EDEM1: variants seen among roughly 807,000 people sequenced by gnomAD.
The protein encoded by EDEM1 is ER degradation-enhancing alpha-mannosidase-like protein 1.
EDEM1 carries 67 observed loss-of-function variants against 74.4 expected under a neutral mutation model. That is an observed-to-expected ratio of 0.90 (90% confidence interval 0.74 to 1.10). EDEM1 has a LOEUF of 1.10. Among genes scored for constraint, EDEM1 ranks in the 50% least tolerant of loss-of-function variants. EDEM1 has a pLI of 0.00. For missense variants in EDEM1, 926 were observed against 851.6 expected, an observed-to-expected ratio of 1.09 and a Z score of -1.09; for synonymous variants, 382 against 335.9, an observed-to-expected ratio of 1.14 and a Z score of -1.50.
At chr3:5,201,435 C>T (rs2055033233) in intron 3 of EDEM1, among the ~76,000 whole-genome samples, 1 of 152,128 alleles carries the variant, frequency 6.6e-6, no homozygotes, top group South Asian at 2.1e-4. Flanking sequence ...CAGGCGTGAG[C>T]CACCGCACCC....
chr3:5,211,447 A>G (rs2055166533), intron 10 of EDEM1: 1 of 468,300 alleles, frequency 2.1e-6, no homozygotes, highest in Non-Finnish European at 4.0e-6. Context: ...TTATGATTAC[A>G]AACTGTGGGA....
chr3:5,207,262 C>T lies in EDEM1; in HGVS notation c.1327C>T (p.Pro443Ser), dbSNP rs1021605721. The change falls in exon 7 of 12, where the codon CCT becomes TCT. Residue 443 changes from proline to serine, a missense_variant. Physicochemically the swap from Pro to Ser is moderately conservative, Grantham distance 74. Coordinates refer to ENST00000256497, the MANE Select transcript of EDEM1 (RefSeq NM_014674.3). ...TWIDSLQAFF[P>S]GLQVLIGDVE... is the part of the protein sequence containing the mutation. ...GATTGACTCTCTGCAGGCCTTTTTC[C>T]CTGGACTGCAGGTATTTTGCCATCA... 1 of 1,613,938 alleles carries T rather than the reference C, an allele frequency of 6.2e-7. No homozygotes were observed. The highest frequency in any genetic ancestry group is 1.3e-5 in the African/African-American group (1 of 74,934).
intron 1 of EDEM1, among the ~76,000 whole-genome samples, chr3:5,188,627 C>T (rs2054859821): frequency 6.6e-6 from 1 of 152,242 alleles, no homozygotes; most frequent in Non-Finnish European, 1.5e-5. Context: ...GTGCCAAGGG[C>T]TGGCTTGGAG....
chr3:5,209,329 T>C (rs1247153839), intron 8 of EDEM1, among the ~76,000 whole-genome samples: 1 of 152,194 alleles, frequency 6.6e-6, no homozygotes, highest in Non-Finnish European at 1.5e-5. Context: ...ACACGGAGGA[T>C]GGCGTGCCGG....
chr3:5,210,827 T>TTTACATTTGTTGCCGGTC (rs1369741617), intron 9 of EDEM1, among the ~76,000 whole-genome samples: 2 of 152,124 alleles, frequency 1.3e-5, no homozygotes, highest in African/African-American at 4.8e-5. Flanking sequence ...AATTAGTCCT[T>TTTACATTTGTTGCCGGTC]TTACATTTGT....
chr3:5,202,700 G>C (rs568108156), intron 4 of EDEM1, among the ~76,000 whole-genome samples: 2 of 152,322 alleles, frequency 1.3e-5, no homozygotes, highest in Admixed American at 1.3e-4. Context: ...AAACCTGCTG[G>C]AAAGAGAAGG....
chr3:5,193,693 G>A (rs1211182338), intron 1 of EDEM1, among the ~76,000 whole-genome samples: 2 of 152,072 alleles, frequency 1.3e-5, no homozygotes, highest in African/African-American at 4.8e-5. Context: ...CGCCTCCTGA[G>A]TTCAAGTAAT....
intron 6 of EDEM1, among the ~76,000 whole-genome samples, chr3:5,206,868 G>A (rs137954300): frequency 6.6e-6 from 1 of 152,182 alleles, no homozygotes; most frequent in African/African-American, 2.4e-5. Context: ...TTATGTGGCA[G>A]GGCTCTTAAA....
rs1360970162 is a variant in EDEM1, at chr3:5,217,334, G to A, written c.*1416G>A. On this transcript the variant is annotated 3_prime_UTR_variant, in exon 12 of 12. Coordinates refer to ENST00000256497, the MANE Select transcript of EDEM1 (RefSeq NM_014674.3). The stretch of plus-strand genomic sequence containing the variant: ...AGTCTGGCTTCCATGAAGCGTCATG[G>A]GTGGAAACGCATTCTAGTAAAAAAG... 1 of 152,616 alleles carries A rather than the reference G, an allele frequency of 6.6e-6. No homozygotes were observed. Among genetic ancestry groups the A allele is most frequent in the African/African-American group, 2.4e-5 (1 of 41,432 alleles). 9.5% of individuals were successfully genotyped at this position (152,616 alleles called of 1,614,324 possible).
chr3:5,187,737 G>T lies in EDEM1; in HGVS notation c.-69G>T. The T allele has an allele frequency of 1.4e-6, 2 of 1,434,328 alleles. No individual in the cohort carries two copies. The highest frequency in any genetic ancestry group is 1.8e-6 in the Non-Finnish European group (2 of 1,094,670). The allele number at this position is 1,434,328 out of a possible 1,614,324, so 88.9% of individuals were successfully genotyped here. A position where few individuals can be genotyped will look rare whatever the true frequency, so the allele number is the denominator to read the frequency against. On this transcript the variant is annotated 5_prime_UTR_variant, in exon 1 of 12. Coordinates refer to ENST00000256497, the MANE Select transcript of EDEM1 (RefSeq NM_014674.3). ...GGAAGCGAGCCGGGCTACGGGGCGA[G>T]CGCGGGGTGCGGTGGTCGGCGGGGA...
At chr3:5,208,786 C>T (rs920011932) in intron 8 of EDEM1, among the ~76,000 whole-genome samples, 9 of 150,426 alleles carry the variant, frequency 6.0e-5, no homozygotes, top group African/African-American at 2.0e-4. Context: ...CACACACACA[C>T]ACATATATAT....
chr3:5,207,220 C>T lies in EDEM1; in HGVS notation c.1285C>T (p.Gln429Ter). The change falls in exon 7 of 12, where the codon CAG (glutamine) becomes TAG (stop). Residue 429 changes from glutamine to a stop codon, truncating the protein, a stop_gained. Transcript: ENST00000256497. LOFTEE classifies it high-confidence loss of function. ...LYVNVNMFSGQLMNTWIDSLQ... is the reference protein window; with the variant it reads ...LYVNVNMFSG ...TGTCAACGTGAACATGTTCAGTGGG[C>T]AGCTGATGAACACCTGGATTGACTC... is the stretch of plus-strand genomic sequence containing the variant. The T allele has an allele frequency of 6.2e-7, 1 of 1,614,188 alleles. No homozygotes were observed. The highest frequency in any genetic ancestry group is 8.5e-7 in the Non-Finnish European group (1 of 1,180,018).
chr3:5,207,338 TTC>T (rs1385919436), intron 7 of EDEM1, 65 bp downstream of exon 7: 5 of 1,595,418 alleles, frequency 3.1e-6, no homozygotes, highest in Non-Finnish European at 4.3e-6. Flanking sequence ...CTCCTTTTCT[TTC>T]TTTTTTAATA....
At chr3:5,198,582 T>G (rs1432530835) in intron 2 of EDEM1, among the ~76,000 whole-genome samples, 1 of 152,016 alleles carries the variant, frequency 6.6e-6, no homozygotes, top group East Asian at 1.9e-4. Context: ...TGGGTGAAAT[T>G]CAGCAGAATT....
At chr3:5,208,300 G>A (rs111425301) in intron 8 of EDEM1, 37 bp downstream of exon 8, 27 of 1,579,762 alleles carry the variant, frequency 1.7e-5, no homozygotes, top group East Asian at 2.3e-5. Context: ...TCCTTTCACT[G>A]CCTCCCCTGA....
At chr3:5,208,056 T>C in intron 7 of EDEM1, 37 bp from the exon 8 acceptor site, 1 of 1,552,050 alleles carries the variant, frequency 6.4e-7, no homozygotes, top group Non-Finnish European at 8.7e-7. Context: ...ACTCTAGGAA[T>C]GGTATCTCAG....
At position 5,199,670 on chromosome 3, in the gene EDEM1, G is replaced by A. The variant is rs377630937; in HGVS notation, c.661G>A (p.Val221Ile). ...AGTTTCATTTGACAAAGATTCCACC[G>A]TCCAAGTCTTTGAGGCCACGATAAG... Reference protein sequence around the residue: ...NTVSFDKDSTVQVFEATIRVL... With the variant: ...NTVSFDKDSTIQVFEATIRVL... Residue 221 changes from valine to isoleucine, a missense_variant, in exon 3 of 12, where the codon GTC (valine) becomes ATC (isoleucine). Physicochemically the swap from Val to Ile is conservative, Grantham distance 29 (BLOSUM62 3). Transcript: ENST00000256497. 3.8e-5 allele frequency: 61 copies of A among 1,613,406 alleles called. No homozygotes were observed. Among genetic ancestry groups the A allele is most frequent in the Admixed American group, 1.2e-4 (7 of 59,896 alleles).
rs543341389 is a variant in EDEM1 at position 5,204,973 on chromosome 3, G to A, written c.1043-94G>A. ...CCTGTATGCCAAGGATAAAGGTGCT[G>A]AGGAGCAGTGTGGTTGGAGTAGGAG... is the stretch of plus-strand genomic sequence containing the variant. On this transcript the variant is annotated intron_variant, in intron 5 of 11. Transcript: ENST00000256497. 97 of 1,376,310 alleles carry A rather than the reference G, an allele frequency of 7.0e-5. No homozygotes were observed. In the Middle Eastern group the frequency reaches 7.3e-4, roughly 10 times the overall value. 85.3% of individuals were successfully genotyped at this position (1,376,310 alleles called of 1,614,324 possible).
At chr3:5,209,374 G>A (rs2106606210) in intron 8 of EDEM1, among the ~76,000 whole-genome samples, 1 of 152,274 alleles carries the variant, frequency 6.6e-6, no homozygotes, top group Admixed American at 6.5e-5. Context: ...GCTTAGTCCT[G>A]TGGCCTGTGA....
Sources: gnomAD v4.1 joint callset for allele counts (sites outside exome capture counted in the v4.1 genomes callset) on GRCh38, gnomAD v4.1.1 for gene constraint, MANE v1.5 for transcripts, NCBI Gene and HGNC (gene_info 2026-07-23, HGNC 2026-07-21) for gene names.